The following HNF4G variants were observed in gnomAD, a reference collection of about 807,000 sequenced individuals.
HNF4G encodes hepatocyte nuclear factor 4 gamma.
A neutral mutation model predicts 50.9 loss-of-function variants in HNF4G; 21 were observed. The observed-to-expected ratio is 0.41, with a 90% CI of 0.29 to 0.59. The LOEUF is 0.59. Among genes scored for constraint, HNF4G ranks in the 20% least tolerant of loss-of-function variants. The pLI is 0.26. For missense variants in HNF4G, 527 were observed against 559.4 expected (o/e 0.94, Z 0.58); for synonymous variants, 198 against 185.6 (o/e 1.07, Z -0.54).
At chr8:75,484,673 C>G (rs1038973625) in intron 1 of HNF4G, among the ~76,000 whole-genome samples, 1 of 152,144 alleles carries the variant, frequency 6.6e-6, no homozygotes, top group Non-Finnish European at 1.5e-5. Context: ...AAATGTCTGT[C>G]CTCCCCAATA....
At chr8:75,502,029 T>A (rs1481802118) in intron 2 of HNF4G, among the ~76,000 whole-genome samples, 1 of 152,092 alleles carries the variant, frequency 6.6e-6, no homozygotes. Flanking sequence ...ATTTTTGTAT[T>A]TTTAGTAGAG....
chr8:75,413,299 G>A, intron 1 of HNF4G, among the ~76,000 whole-genome samples: 1 of 137,518 alleles, frequency 7.3e-6, no homozygotes, highest in African/African-American at 2.7e-5. Context: ...AGGAGGACAG[G>A]AGAGGACAAG....
intron 2 of HNF4G, among the ~76,000 whole-genome samples, chr8:75,544,266 T>C (rs1008441743): frequency 6.6e-5 from 10 of 152,352 alleles, no homozygotes; most frequent in Middle Eastern, 3.4e-3. Context: ...ACCTCCTCTG[T>C]CACTTTTTCT....
intron 2 of HNF4G, among the ~76,000 whole-genome samples, chr8:75,515,940 T>A (rs184656223): frequency 1.3e-5 from 2 of 152,122 alleles, no homozygotes; most frequent in African/African-American, 2.4e-5. Flanking sequence ...TAATTTTGTA[T>A]TTTTAGTAGA....
At chr8:75,544,307 C>T (rs191898146) in intron 2 of HNF4G, among the ~76,000 whole-genome samples, 79 of 152,260 alleles carry the variant, frequency 5.2e-4, no homozygotes, top group Middle Eastern at 3.4e-3. Context: ...CTACCATTGC[C>T]ATTTCATGTT....
At chr8:75,434,257 C>T (rs959135150) in intron 1 of HNF4G, among the ~76,000 whole-genome samples, 11 of 152,038 alleles carry the variant, frequency 7.2e-5, no homozygotes, top group African/African-American at 2.7e-4. Context: ...CCGCCTTTGC[C>T]TCCCAAAGTG....
intron 2 of HNF4G, among the ~76,000 whole-genome samples, chr8:75,547,133 A>C (rs1296748682): frequency 1.3e-5 from 2 of 152,142 alleles, no homozygotes; most frequent in Non-Finnish European, 2.9e-5. Context: ...ATAATTTGCC[A>C]TTTAGGGTAA....
At chr8:75,422,543 GT>G (rs1047710586) in intron 1 of HNF4G, among the ~76,000 whole-genome samples, 1 of 152,010 alleles carries the variant, frequency 6.6e-6, no homozygotes, top group East Asian at 1.9e-4. Context: ...TAGATTTTAA[GT>G]TTTTTTAAAT....
At chr8:75,498,374 T>C (rs540899349) in intron 2 of HNF4G, among the ~76,000 whole-genome samples, 128 of 152,204 alleles carry the variant, frequency 8.4e-4, no homozygotes, top group Middle Eastern at 3.4e-3. Flanking sequence ...ATAGCAACTC[T>C]GAATAGGCTT....
At chr8:75,408,839 G>C (rs1233909715) in intron 1 of HNF4G, among the ~76,000 whole-genome samples, 1 of 152,250 alleles carries the variant, frequency 6.6e-6, no homozygotes, top group Non-Finnish European at 1.5e-5. Flanking sequence ...AAGCTCAAAA[G>C]TGAATGGGAT....
At chr8:75,497,877 C>T (rs1812819499) in intron 2 of HNF4G, among the ~76,000 whole-genome samples, 1 of 151,612 alleles carries the variant, frequency 6.6e-6, no homozygotes, top group Admixed American at 6.6e-5. Flanking sequence ...TAAAATGTTT[C>T]AAAAAATGTA....
At chr8:75,430,489 A>C (rs1563503205) in intron 1 of HNF4G, among the ~76,000 whole-genome samples, 1 of 148,998 alleles carries the variant, frequency 6.7e-6, no homozygotes, top group Admixed American at 7.0e-5. Flanking sequence ...AGAGAGAGAG[A>C]GAGAGAGAGA....
intron 2 of HNF4G, among the ~76,000 whole-genome samples, chr8:75,519,566 A>C (rs753951901): frequency 5.3e-5 from 8 of 152,294 alleles, no homozygotes; most frequent in Non-Finnish European, 1.2e-4. Context: ...ATTCATGGAG[A>C]ATGGCAAATG....
intron 1 of HNF4G, among the ~76,000 whole-genome samples, chr8:75,416,621 GTA>G (rs1223855154): frequency 2.6e-5 from 4 of 152,240 alleles, no homozygotes; most frequent in Non-Finnish European, 5.9e-5. Flanking sequence ...ACACATTACT[GTA>G]TGTTATTTGT....
At chr8:75,487,274 T>C (rs991411568) in intron 1 of HNF4G, among the ~76,000 whole-genome samples, 4 of 152,168 alleles carry the variant, frequency 2.6e-5, no homozygotes, top group African/African-American at 9.6e-5. Context: ...ATTTATTTAT[T>C]TGTTTTTAAG....
chr8:75,508,208 G>A (rs1359898281), intron 2 of HNF4G, among the ~76,000 whole-genome samples: 2 of 152,042 alleles, frequency 1.3e-5, no homozygotes, highest in South Asian at 2.1e-4. Flanking sequence ...AGATTGGGCC[G>A]GGAGCTCCTT....
chr8:75,512,722 C>G (rs1805791539), intron 2 of HNF4G, among the ~76,000 whole-genome samples: 1 of 152,054 alleles, frequency 6.6e-6, no homozygotes, highest in Non-Finnish European at 1.5e-5. Context: ...CCTCCACCTC[C>G]CGAACTGCTG....
intron 1 of HNF4G, among the ~76,000 whole-genome samples, chr8:75,451,226 GT>G: frequency 6.6e-6 from 1 of 152,008 alleles, no homozygotes; most frequent in African/African-American, 2.4e-5. Flanking sequence ...CTATTGAGTT[GT>G]TTGAGTTCCT....
intron 4 of HNF4G, among the ~76,000 whole-genome samples, chr8:75,551,783 G>A (rs1396884020): frequency 1.3e-5 from 2 of 152,118 alleles, no homozygotes; most frequent in African/African-American, 2.4e-5. Context: ...ATAGCACAAA[G>A]CTCTGTAGGC....
Sources: allele counts gnomAD v4.1 joint callset (sites outside exome capture counted in the v4.1 genomes callset), GRCh38; gene constraint gnomAD v4.1.1; transcripts MANE v1.5; gene names NCBI Gene and HGNC (gene_info 2026-07-23, HGNC 2026-07-21).